Variants in SNX18 observed in about 807,000 individuals in gnomAD.
SNX18 encodes the protein sorting nexin-18.
SNX18 carries 35 observed loss-of-function variants against 48.7 expected under a neutral mutation model. The observed-to-expected ratio is 0.72, with a 90% CI of 0.55 to 0.95. The LOEUF (loss-of-function observed/expected upper bound fraction) is 0.95. Ranked by LOEUF, SNX18 falls within the 40% of genes least tolerant of loss-of-function variation. The probability of loss-of-function intolerance (pLI) is 0.00; values close to 1 mark genes in which losing one functional copy is unlikely to be tolerated. For synonymous variants in SNX18, 492 were observed against 384.7 expected, an observed-to-expected ratio of 1.28 and a Z score of -3.26; for missense variants, 824 against 871.0, an observed-to-expected ratio of 0.95 and a Z score of 0.68.
the SNX18 span, among the ~76,000 whole-genome samples, chr5:54,603,030 C>G: frequency 6.6e-6 from 1 of 152,070 alleles, no homozygotes; most frequent in Admixed American, 6.6e-5. Flanking sequence ...AACCTCATGG[C>G]AATGTTTCCA....
chr5:54,622,682 C>G, the SNX18 span, among the ~76,000 whole-genome samples: 2 of 150,414 alleles, frequency 1.3e-5, no homozygotes, highest in African/African-American at 4.9e-5. Context: ...ATTCACACAC[C>G]TGTTAGCTAA....
the SNX18 span, among the ~76,000 whole-genome samples, chr5:54,564,479 C>T: frequency 6.6e-6 from 1 of 152,148 alleles, no homozygotes; most frequent in Non-Finnish European, 1.5e-5. Flanking sequence ...TTAGTATACA[C>T]TTGGTGGCTT....
At chr5:54,630,164 G>C in the SNX18 span, among the ~76,000 whole-genome samples, 1 of 152,160 alleles carries the variant, frequency 6.6e-6, no homozygotes, top group Non-Finnish European at 1.5e-5. Context: ...ATGTGCCCCA[G>C]CTCTGTTGTA....
At chr5:54,623,404 G>C in the SNX18 span, among the ~76,000 whole-genome samples, 1 of 152,250 alleles carries the variant, frequency 6.6e-6, no homozygotes, top group South Asian at 2.1e-4. Context: ...GCAGGAGGCA[G>C]TGTAGCCCAG....
chr5:54,626,489 G>A, the SNX18 span, among the ~76,000 whole-genome samples: 1 of 152,198 alleles, frequency 6.6e-6, no homozygotes, highest in Non-Finnish European at 1.5e-5. Context: ...CTAAGTCCTT[G>A]TCTCATTGTA....
In SNX18 at chr5:54,518,823, G is replaced by A. The variant is rs1429600788; in HGVS notation, c.871G>A (p.Gly291Ser). The change falls in exon 1 of 2, where the codon GGC (glycine) becomes AGC (serine). Residue 291 changes from glycine to serine, a missense_variant. Physicochemically the swap from Gly to Ser is moderately conservative, Grantham distance 56. Around this residue, in one of 3 missense-constraint regions of SNX18, gnomAD observed 443 missense variants for 503.6 expected, o/e 0.88. Coordinates refer to ENST00000381410, the MANE Select transcript of SNX18 (RefSeq NM_001102575.2). ...DDPTKQTKFK[G>S]MKSYISYKLV... ...CCCCACCAAGCAGACCAAGTTCAAG[G>A]GCATGAAGAGCTACATCTCCTACAA... 6.2e-7 allele frequency: 1 copy of A among 1,608,240 alleles called. No individual in the cohort carries two copies. The highest frequency in any genetic ancestry group is 8.5e-7 in the Non-Finnish European group (1 of 1,176,586).
the SNX18 span, among the ~76,000 whole-genome samples, chr5:54,621,601 T>C: frequency 2.0e-5 from 3 of 152,146 alleles, no homozygotes; most frequent in African/African-American, 4.8e-5. Flanking sequence ...GTGATGTTTC[T>C]CAACAGGGAC....
chr5:54,542,690 C>T (rs114606786), intron 1 of SNX18, among the ~76,000 whole-genome samples: 38 of 152,302 alleles, frequency 2.5e-4, no homozygotes, highest in African/African-American at 8.9e-4. Flanking sequence ...TAACTTGTTT[C>T]AGAGACTGGT....
chr5:54,603,053 G>T, the SNX18 span, among the ~76,000 whole-genome samples: 1 of 151,916 alleles, frequency 6.6e-6, no homozygotes, highest in African/African-American at 2.4e-5. Flanking sequence ...TATTATTTGG[G>T]CATTCTTTAA....
the SNX18 span, among the ~76,000 whole-genome samples, chr5:54,588,306 C>CTTTTTTTTTTTTTTTTTTTTTT: frequency 2.6e-4 from 19 of 73,910 alleles, 2 homozygotes; most frequent in East Asian, 7.9e-4. Context: ...TATTTCTATT[C>CTTTTTTTTTTTTTTTTTTTTTT]TTTTTTTTTT....
chr5:54,588,254 G>GA, the SNX18 span, among the ~76,000 whole-genome samples: 332 of 126,712 alleles, frequency 2.6e-3, 1 homozygote, highest in Non-Finnish European at 3.5e-3. Flanking sequence ...GAAGTCATTT[G>GA]AAAAAAAAAT....
chr5:54,518,136 C>G lies in SNX18; in HGVS notation c.184C>G (p.Pro62Ala), dbSNP rs374095539. The G allele has an allele frequency of 1.7e-4, 247 of 1,428,898 alleles. 4 individuals are homozygous for G. In the South Asian group the frequency reaches 3.4e-3, roughly 20 times the overall value. 88.5% of individuals were successfully genotyped at this position (1,428,898 alleles called of 1,614,324 possible). ...PASYVQVIRA[P>A]EPGPAGDGGP... is the part of the protein sequence containing the mutation. ...CTCCTATGTGCAGGTGATCCGCGCCCCCGAGCCTGGCCCGGCGGGAGACGG... is the reference window on the plus strand; with the variant it reads ...CTCCTATGTGCAGGTGATCCGCGCCGCCGAGCCTGGCCCGGCGGGAGACGG... The change falls in exon 1 of 2, where the codon CCC becomes GCC. Residue 62 changes from proline to alanine, a missense_variant. Pro to Ala is a conservative substitution (Grantham distance 27, BLOSUM62 -1). This residue lies in a region of SNX18 where 377 missense variants were observed against 350.6 expected (regional missense o/e 1.08). Transcript: ENST00000381410.
the SNX18 span, among the ~76,000 whole-genome samples, chr5:54,557,166 T>G: frequency 6.6e-6 from 1 of 152,218 alleles, no homozygotes; most frequent in African/African-American, 2.4e-5. Flanking sequence ...ACCGATTAAC[T>G]TAATAATTAG....
downstream of SNX18, among the ~76,000 whole-genome samples, chr5:54,551,069 A>C (rs1762649263): frequency 6.6e-6 from 1 of 151,034 alleles, no homozygotes; most frequent in Non-Finnish European, 1.5e-5. Context: ...AAATTTGACA[A>C]GGGGACTAGC....
the SNX18 span, among the ~76,000 whole-genome samples, chr5:54,585,746 G>A: frequency 8.5e-5 from 13 of 152,064 alleles, no homozygotes; most frequent in African/African-American, 2.4e-5. Context: ...GCTCACGCCT[G>A]TAATCCCAGC....
At chr5:54,564,850 C>T in the SNX18 span, among the ~76,000 whole-genome samples, 5 of 152,060 alleles carry the variant, frequency 3.3e-5, no homozygotes, top group African/African-American at 9.7e-5. Flanking sequence ...AGAGAGACTC[C>T]GTCTCAAAAA....
the SNX18 span, among the ~76,000 whole-genome samples, chr5:54,577,076 C>T: frequency 2.0e-5 from 3 of 152,302 alleles, no homozygotes; most frequent in Admixed American, 6.5e-5. Context: ...GCTGGGATTA[C>T]AGGCGTGAGC....
chr5:54,547,264 C>T (rs1762590476), downstream of SNX18, among the ~76,000 whole-genome samples: 1 of 152,148 alleles, frequency 6.6e-6, no homozygotes, highest in Non-Finnish European at 1.5e-5. Flanking sequence ...AAGAAAGGAC[C>T]TTTATCTGGT....
the SNX18 span, among the ~76,000 whole-genome samples, chr5:54,583,269 G>C: frequency 6.6e-6 from 1 of 152,208 alleles, no homozygotes; most frequent in African/African-American, 2.4e-5. Flanking sequence ...GAGCCACTGT[G>C]CCTGGCCTTG....
Sources: gnomAD v4.1 joint callset for allele counts (sites outside exome capture counted in the v4.1 genomes callset) on GRCh38, gnomAD v4.1.1 for gene constraint, gnomAD v4.1.1 regional missense constraint, MANE v1.5 for transcripts, NCBI Gene and HGNC (gene_info 2026-07-23, HGNC 2026-07-21) for gene names.